SIL1: variants seen among roughly 807,000 people sequenced by gnomAD.
The protein encoded by SIL1 is SIL1 nucleotide exchange factor, also known as nucleotide exchange factor SIL1.
A neutral mutation model predicts 49.1 loss-of-function variants in SIL1; 40 were observed. The ratio of observed to expected loss-of-function variants is 0.81; its 90% CI spans 0.63 to 1.06. The LOEUF (loss-of-function observed/expected upper bound fraction) is 1.06, where lower values mean the gene tolerates loss of function less well. Ranked by LOEUF, SIL1 falls within the 50% of genes least tolerant of loss-of-function variation. SIL1 has a pLI of 0.00. For synonymous variants in SIL1, 253 were observed against 250.8 expected (o/e 1.01, Z -0.08); for missense variants, 500 against 572.6 (o/e 0.87, Z 1.29).
At chr5:139,109,911 C>G (rs949549589) in intron 3 of SIL1, among the ~76,000 whole-genome samples, 2 of 151,494 alleles carry the variant, frequency 1.3e-5, no homozygotes, top group African/African-American at 4.9e-5. Context: ...AGGCTCACGT[C>G]TATAATCTCA....
At chr5:139,105,837 T>C (rs1770695514) in intron 3 of SIL1, among the ~76,000 whole-genome samples, 1 of 152,230 alleles carries the variant, frequency 6.6e-6, no homozygotes, top group Non-Finnish European at 1.5e-5. Context: ...TGGCTTTCCC[T>C]AGGGAAGGTA....
intron 3 of SIL1, among the ~76,000 whole-genome samples, chr5:139,057,633 C>A (rs1769485521): frequency 1.3e-5 from 2 of 152,112 alleles, no homozygotes; most frequent in South Asian, 4.1e-4. Flanking sequence ...GGAAGAAACA[C>A]CCCCTATAGG....
intron 1 of SIL1, among the ~76,000 whole-genome samples, chr5:139,184,136 G>T (rs2151820862): frequency 6.6e-6 from 1 of 152,272 alleles, no homozygotes; most frequent in African/African-American, 2.4e-5. Context: ...CCTGAAAGGA[G>T]GGTTCAAACC....
chr5:139,156,516 GA>G (rs914988247), intron 1 of SIL1, among the ~76,000 whole-genome samples: 1 of 149,990 alleles, frequency 6.7e-6, no homozygotes, highest in Non-Finnish European at 1.5e-5. Flanking sequence ...GAGGGAATAA[GA>G]AAAAAAAAGG....
At chr5:139,089,552 C>T (rs1164989772) in intron 3 of SIL1, among the ~76,000 whole-genome samples, 1 of 152,122 alleles carries the variant, frequency 6.6e-6, no homozygotes, top group African/African-American at 2.4e-5. Context: ...ATAAAGAGTC[C>T]ATCAGCAGAT....
chr5:139,116,929 G>C (rs1171789883), intron 3 of SIL1, among the ~76,000 whole-genome samples: 3 of 152,182 alleles, frequency 2.0e-5, no homozygotes, highest in Admixed American at 6.5e-5. Flanking sequence ...CCTATCATCA[G>C]ATGAGGAAAC....
intron 7 of SIL1, among the ~76,000 whole-genome samples, chr5:138,979,172 C>A (rs1767459317): frequency 1.3e-5 from 2 of 151,920 alleles, no homozygotes; most frequent in Non-Finnish European, 2.9e-5. Flanking sequence ...TCAAGCGATT[C>A]TCCTGCCTCA....
rs543033553 is a variant in SIL1 at position 139,059,311 on chromosome 5, C to G, written c.245-8265G>C. Among the ~76,000 whole-genome samples the G allele has an allele frequency of 7.2e-5, 11 of 152,190 alleles. No individual in the cohort carries two copies. The South Asian group carries it at 2.1e-3, about 29-fold the overall frequency. On this transcript the variant is annotated intron_variant, in intron 3 of 9. Transcript: ENST00000394817. Reference sequence around the variant, plus strand: ...AAAGGGCAGTTCCCCTGCACACGCTCTCTTTCCTGCTGCCATGTAAAGACA... The same window carrying G: ...AAAGGGCAGTTCCCCTGCACACGCTGTCTTTCCTGCTGCCATGTAAAGACA...
chr5:138,972,008 C>G (rs1265760707), intron 7 of SIL1, among the ~76,000 whole-genome samples: 1 of 152,218 alleles, frequency 6.6e-6, no homozygotes, highest in African/African-American at 2.4e-5. Context: ...TCAGGCCACA[C>G]AGATGACACC....
intron 1 of SIL1, among the ~76,000 whole-genome samples, chr5:139,181,969 T>C (rs1751990652): frequency 6.6e-6 from 1 of 152,186 alleles, no homozygotes; most frequent in Non-Finnish European, 1.5e-5. Flanking sequence ...TACACTGTAA[T>C]ACACAGTTTT....
chr5:139,172,284 A>C (rs1260172532), intron 1 of SIL1, among the ~76,000 whole-genome samples: 2 of 152,228 alleles, frequency 1.3e-5, no homozygotes, highest in East Asian at 3.8e-4. Flanking sequence ...ATGAATACAA[A>C]GAGACTCACA....
chr5:139,083,162 A>C (rs1365873941), intron 3 of SIL1, among the ~76,000 whole-genome samples: 1 of 152,212 alleles, frequency 6.6e-6, no homozygotes, highest in Non-Finnish European at 1.5e-5. Flanking sequence ...GGGAAGGGGA[A>C]TATAAGTAAG....
intron 3 of SIL1, among the ~76,000 whole-genome samples, chr5:139,108,682 G>A (rs1770777666): frequency 6.6e-6 from 1 of 152,170 alleles, no homozygotes; most frequent in African/African-American, 2.4e-5. Context: ...AGTTCTGACT[G>A]ATCAGCGAAA....
chr5:139,109,925 C>G (rs1455300333), intron 3 of SIL1, among the ~76,000 whole-genome samples: 1 of 151,722 alleles, frequency 6.6e-6, no homozygotes, highest in African/African-American at 2.4e-5. Context: ...AATCTCAGCA[C>G]TTTGGGAGGA....
chr5:139,114,528 C>G (rs890676214), intron 3 of SIL1, among the ~76,000 whole-genome samples: 1 of 152,174 alleles, frequency 6.6e-6, no homozygotes, highest in African/African-American at 2.4e-5. Context: ...CCCTAACAAG[C>G]TTGTATTACC....
intron 3 of SIL1, among the ~76,000 whole-genome samples, chr5:139,113,873 TAA>T (rs1770930726): frequency 6.6e-6 from 1 of 152,242 alleles, no homozygotes; most frequent in East Asian, 1.9e-4. Flanking sequence ...CTACTTGGTC[TAA>T]GTTTTCCATC....
chr5:138,956,635 C>T (rs954960941), intron 7 of SIL1, among the ~76,000 whole-genome samples: 88 of 151,590 alleles, frequency 5.8e-4, no homozygotes, highest in Non-Finnish European at 1.2e-3. Flanking sequence ...CTCAGCTACT[C>T]GGGAGGCTAA....
intron 3 of SIL1, among the ~76,000 whole-genome samples, chr5:139,107,414 C>T (rs1317317427): frequency 6.6e-6 from 1 of 152,036 alleles, no homozygotes; most frequent in Non-Finnish European, 1.5e-5. Flanking sequence ...AAAAAAAATA[C>T]AGAGTTTCCC....
At chr5:138,980,579 G>A (rs59859395) in intron 7 of SIL1, among the ~76,000 whole-genome samples, 3,302 of 152,234 alleles carry the variant, frequency 0.022, 123 homozygotes, top group African/African-American at 0.076. Context: ...TTTTCATGAG[G>A]GAAAGGAAGG....
Sources: gnomAD v4.1 joint callset for allele counts (sites outside exome capture counted in the v4.1 genomes callset) on GRCh38, gnomAD v4.1.1 for gene constraint, MANE v1.5 for transcripts, NCBI Gene and HGNC (gene_info 2026-07-23, HGNC 2026-07-21) for gene names.